The following SVEP1 variants were observed in gnomAD, a reference collection of about 807,000 sequenced individuals.
The protein encoded by SVEP1 is sushi, von Willebrand factor type A, EGF and pentraxin domain containing 1.
A neutral mutation model predicts 367.3 loss-of-function variants in SVEP1; 164 were observed. The ratio of observed to expected loss-of-function variants is 0.45; its 90% CI spans 0.39 to 0.51. The LOEUF is 0.51. SVEP1 is among the 20% of genes least tolerant of loss of function. The probability of loss-of-function intolerance (pLI) is 0.00; values close to 1 mark genes in which losing one functional copy is unlikely to be tolerated. For missense variants in SVEP1, 4,117 were observed against 4,425.3 expected (o/e 0.93, Z 1.98); for synonymous variants, 1,666 against 1,611.6 (o/e 1.03, Z -0.81).
At chr9:110,412,128 TAAA>T (rs1828054063) in intron 36 of SVEP1, among the ~76,000 whole-genome samples, 1 of 152,208 alleles carries the variant, frequency 6.6e-6, no homozygotes, top group African/African-American at 2.4e-5. Flanking sequence ...GCTATACATT[TAAA>T]AAATAAAATC....
At chr9:110,501,504 T>C (rs1268580548) in intron 6 of SVEP1, among the ~76,000 whole-genome samples, 3 of 145,714 alleles carry the variant, frequency 2.1e-5, no homozygotes, top group Non-Finnish European at 4.6e-5. Context: ...TTCTATTTTG[T>C]TGTGGGGGGG....
intron 27 of SVEP1, among the ~76,000 whole-genome samples, chr9:110,441,960 C>CA (rs1286634305): frequency 6.6e-6 from 1 of 152,182 alleles, no homozygotes; most frequent in Admixed American, 6.6e-5. Flanking sequence ...GTGATTTGGC[C>CA]ATGTCCGCCC....
intron 9 of SVEP1, among the ~76,000 whole-genome samples, chr9:110,485,822 T>A (rs189667258): frequency 6.6e-6 from 1 of 152,158 alleles, no homozygotes; most frequent in African/African-American, 2.4e-5. Context: ...AGTATTCCTA[T>A]CCAAGATATA....
At position 110,379,526 on chromosome 9, in the gene SVEP1, T is replaced by C. The variant is rs775333590; in HGVS notation, c.10238-9A>G. The C allele has an allele frequency of 6.2e-6, 10 of 1,613,336 alleles. No homozygotes were observed. The highest frequency in any genetic ancestry group is 1.7e-5 in the Admixed American group (1 of 59,932). On this transcript the variant is annotated splice_polypyrimidine_tract_variant and intron_variant, in intron 43 of 47. Coordinates refer to ENST00000374469, the MANE Select transcript of SVEP1 (RefSeq NM_153366.4). ...TGGACCACATGAGATTTCTACAGGA[T>C]AACAAAACAACAATTAAGCTTGTGC...
At chr9:110,450,736 A>C (rs571083079) in intron 23 of SVEP1, among the ~76,000 whole-genome samples, 1 of 152,004 alleles carries the variant, frequency 6.6e-6, no homozygotes, top group Middle Eastern at 3.2e-3. Flanking sequence ...CGGCCTCCCA[A>C]AATGCTGGGA....
At chr9:110,393,073 T>TCA (rs1489223269) in intron 40 of SVEP1, among the ~76,000 whole-genome samples, 1 of 152,244 alleles carries the variant, frequency 6.6e-6, no homozygotes, top group Non-Finnish European at 1.5e-5. Context: ...TGCACCTTTC[T>TCA]CAATTTTTCA....
chr9:110,380,085 C>T (rs141364390), intron 43 of SVEP1, among the ~76,000 whole-genome samples: 107 of 152,264 alleles, frequency 7.0e-4, no homozygotes, highest in African/African-American at 2.5e-3. Context: ...TGTTAGTTTT[C>T]CTCTTTTCAA....
intron 45 of SVEP1, chr9:110,376,723 A>G (rs543395811): frequency 6.6e-6 from 1 of 152,358 alleles, no homozygotes; most frequent in East Asian, 1.9e-4. Flanking sequence ...AAAATTTAAC[A>G]TCACTATCCA....
intron 1 of SVEP1, among the ~76,000 whole-genome samples, chr9:110,558,365 T>G (rs1253543765): frequency 7.7e-6 from 1 of 129,148 alleles, no homozygotes; most frequent in Non-Finnish European, 1.7e-5. Context: ...TTGCAAAAAA[T>G]AGGCTGGTTA....
chr9:110,550,482 C>T (rs1269573729), intron 1 of SVEP1, among the ~76,000 whole-genome samples: 4 of 80,866 alleles, frequency 4.9e-5, no homozygotes, highest in African/African-American at 9.3e-5. Flanking sequence ...CACAAATTAT[C>T]TATCTATCTA....
rs560741710 is a variant in SVEP1 at position 110,510,833 on chromosome 9, G to A, written c.1303+2093C>T. On this transcript the variant is annotated intron_variant, in intron 5 of 47. Coordinates refer to ENST00000374469, the MANE Select transcript of SVEP1 (RefSeq NM_153366.4). ...CAGAACTTAGAACTATTGACTTCAC[G>A]AAAATATATTTTACAAGCTTTCAAG... Among the ~76,000 whole-genome samples, 202 of 152,328 alleles carry A rather than the reference G, an allele frequency of 1.3e-3. 2 individuals are homozygous for A. Among genetic ancestry groups the A allele is most frequent in the African/African-American group, 2.0e-3 (84 of 41,580 alleles).
intron 31 of SVEP1, 99 bp downstream of exon 31, chr9:110,432,363 G>A: frequency 7.0e-7 from 1 of 1,437,394 alleles, no homozygotes; most frequent in Non-Finnish European, 9.4e-7. Context: ...ATGAGATAAA[G>A]TTAACAAAGC....
chr9:110,449,598 G>A (rs767646902), intron 24 of SVEP1, among the ~76,000 whole-genome samples: 3 of 152,242 alleles, frequency 2.0e-5, no homozygotes, highest in Non-Finnish European at 2.9e-5. Context: ...CAGGAGAATC[G>A]CTTTAAACCG....
At position 110,427,559 on chromosome 9, in the gene SVEP1, C is replaced by A. The variant is rs376308568; in HGVS notation, c.5975+32G>T. On this transcript the variant is annotated intron_variant, in intron 36 of 47. Coordinates refer to ENST00000374469, the MANE Select transcript of SVEP1 (RefSeq NM_153366.4). ...CAGGAGCATCCACTTCCTTGGCTCT[C>A]AATGATCCTTTCCTTCACAGGCCCT... 210 of 1,598,600 alleles carry A rather than the reference C, an allele frequency of 1.3e-4. 1 individual carries two copies. Among genetic ancestry groups the A allele is most frequent in the South Asian group, 3.6e-4 (32 of 87,738 alleles).
At chr9:110,402,062 A>G (rs1454638069) in intron 39 of SVEP1, among the ~76,000 whole-genome samples, 1 of 152,098 alleles carries the variant, frequency 6.6e-6, no homozygotes, top group Admixed American at 6.6e-5. Flanking sequence ...TTTTGCAGAA[A>G]TCTTTCTGGG....
intron 13 of SVEP1, among the ~76,000 whole-genome samples, 180 bp from the exon 14 acceptor site, chr9:110,476,495 G>A (rs1286680874): frequency 6.6e-6 from 1 of 152,094 alleles, no homozygotes. Flanking sequence ...ACTGTCTGTT[G>A]GTCACCAGGA....
At chr9:110,439,246 T>A (rs75614392) in intron 27 of SVEP1, among the ~76,000 whole-genome samples, 1 of 151,978 alleles carries the variant, frequency 6.6e-6, no homozygotes, top group East Asian at 1.9e-4. Context: ...GAAAGCTTGC[T>A]CTCTCTCTCC....
intron 1 of SVEP1, among the ~76,000 whole-genome samples, chr9:110,559,635 G>A (rs935503948): frequency 9.2e-5 from 14 of 151,968 alleles, no homozygotes; most frequent in African/African-American, 3.4e-4. Flanking sequence ...AATATTTGGA[G>A]GACGGTTTGA....
intron 40 of SVEP1, among the ~76,000 whole-genome samples, chr9:110,390,991 C>G (rs376939359): frequency 1.3e-5 from 2 of 152,156 alleles, no homozygotes; most frequent in African/African-American, 2.4e-5. Context: ...GACTTCAAAT[C>G]ATTTAACAAT....
Sources: gnomAD v4.1 joint callset for allele counts (sites outside exome capture counted in the v4.1 genomes callset) on GRCh38, gnomAD v4.1.1 for gene constraint, MANE v1.5 for transcripts, NCBI Gene and HGNC (gene_info 2026-07-23, HGNC 2026-07-21) for gene names.